The following HMGA2 variants were observed in gnomAD, a reference collection of about 807,000 sequenced individuals.
HMGA2 encodes the protein high mobility group protein HMGI-C.
HMGA2 carries 8 observed loss-of-function variants against 19.1 expected under a neutral mutation model. The ratio of observed to expected loss-of-function variants is 0.42; its 90% CI spans 0.25 to 0.76. HMGA2 has a LOEUF of 0.76. Among genes scored for constraint, HMGA2 ranks in the 30% least tolerant of loss-of-function variants. The probability of loss-of-function intolerance (pLI) is 0.28; values close to 1 mark genes in which losing one functional copy is unlikely to be tolerated. For synonymous variants in HMGA2, 60 were observed against 48.8 expected, an observed-to-expected ratio of 1.23 and a Z score of -0.96; for missense variants, 109 against 136.3, an observed-to-expected ratio of 0.80 and a Z score of 1.00.
At chr12:65,848,653 G>A (rs1030302365) in intron 3 of HMGA2, among the ~76,000 whole-genome samples, 1 of 151,934 alleles carries the variant, frequency 6.6e-6, no homozygotes, top group African/African-American at 2.4e-5. Flanking sequence ...TCAGGAGATC[G>A]AGACCATCCT....
intron 3 of HMGA2, among the ~76,000 whole-genome samples, chr12:65,950,234 G>T (rs557448754): frequency 6.6e-6 from 1 of 152,122 alleles, no homozygotes; most frequent in Non-Finnish European, 1.5e-5. Flanking sequence ...AAACATGTTC[G>T]CACGAAAACG....
In HMGA2 at chr12:65,904,831, CAGG is replaced by C. The variant is rs574052546; in HGVS notation, c.250-46549_250-46547del. 4.2e-3 allele frequency among the ~76,000 whole-genome samples: 634 copies of C among 152,104 alleles called. 4 individuals carry two copies. Among genetic ancestry groups the C allele is most frequent in the African/African-American group, 0.014 (598 of 41,510 alleles). On this transcript the variant is annotated intron_variant, in intron 3 of 4. Coordinates refer to ENST00000403681, the MANE Select transcript of HMGA2 (RefSeq NM_003483.6). The stretch of plus-strand genomic sequence containing the variant: ...CCGAGGTGGGCAGATCACCTGAGGT[CAGG>C]AGTTCAAAAGCAGCCTGGCCAACAT...
chr12:65,965,506 T>C lies in HMGA2; in HGVS notation c.*2214T>C. ...TCTTCCAGCTGCTTCAGGGAGGTAG[T>C]TTCAAAGGCCACATACCTCTCTGAG... is the stretch of plus-strand genomic sequence containing the variant. On this transcript the variant is annotated 3_prime_UTR_variant, in exon 5 of 5. Transcript: ENST00000403681. The C allele has an allele frequency of 4.8e-6, 1 of 208,314 alleles. No homozygotes were observed. 12.9% of individuals were successfully genotyped at this position (208,314 alleles called of 1,614,324 possible). A position where few individuals can be genotyped will look rare whatever the true frequency, so the allele number is the denominator to read the frequency against.
intron 3 of HMGA2, among the ~76,000 whole-genome samples, chr12:65,944,164 T>G (rs1876181911): frequency 6.6e-6 from 1 of 152,206 alleles, no homozygotes; most frequent in Non-Finnish European, 1.5e-5. Flanking sequence ...CATTAAAACT[T>G]TTTGATCACT....
Position 65,964,209 on chromosome 12 carries a change from T to C in HMGA2, c.*917T>C. On this transcript the variant is annotated 3_prime_UTR_variant, in exon 5 of 5. Transcript: ENST00000403681. Reference sequence around the variant, plus strand: ...TGAAAAGGTACAACAGAATAATGCATGATGAACTCACCTAATTATGAGGTG... The same window carrying C: ...TGAAAAGGTACAACAGAATAATGCACGATGAACTCACCTAATTATGAGGTG... 4.9e-6 allele frequency: 1 copy of C among 205,258 alleles called. No individual in the cohort carries two copies. Among genetic ancestry groups the C allele is most frequent in the Non-Finnish European group, 1.0e-5 (1 of 100,456 alleles). 12.7% of individuals were successfully genotyped at this position (205,258 alleles called of 1,614,324 possible). A position where few individuals can be genotyped will look rare whatever the true frequency, so the allele number is the denominator to read the frequency against.
intron 3 of HMGA2, among the ~76,000 whole-genome samples, chr12:65,896,334 C>G (rs1344048862): frequency 3.3e-5 from 5 of 152,204 alleles, no homozygotes; most frequent in Non-Finnish European, 7.3e-5. Context: ...TACAAAGGCC[C>G]TTTGGCGAAT....
Position 65,937,898 on chromosome 12 carries a change from G to A in HMGA2, c.250-13485G>A, listed in dbSNP as rs1487746330. 3.3e-5 allele frequency among the ~76,000 whole-genome samples: 5 copies of A among 152,308 alleles called. No homozygotes were observed. In the East Asian group the frequency reaches 9.6e-4, roughly 29 times the overall value. ...CAAAGACAAACCAGCACAGAGAATAGTAAAATGTGCAAAGCCAAACCAGTT... is the reference window on the plus strand; with the variant it reads ...CAAAGACAAACCAGCACAGAGAATAATAAAATGTGCAAAGCCAAACCAGTT... On this transcript the variant is annotated intron_variant, in intron 3 of 4. Transcript: ENST00000403681.
intron 3 of HMGA2, among the ~76,000 whole-genome samples, chr12:65,933,520 T>C (rs534775769): frequency 1.3e-5 from 2 of 152,184 alleles, no homozygotes; most frequent in Non-Finnish European, 2.9e-5. Context: ...GAAATCCACT[T>C]TGTAATAACA....
chr12:65,853,198 G>A (rs934595917), intron 3 of HMGA2, among the ~76,000 whole-genome samples: 14 of 152,134 alleles, frequency 9.2e-5, no homozygotes, highest in Non-Finnish European at 1.5e-4. Flanking sequence ...GACTGTCTAA[G>A]AGCACTGAAA....
At chr12:65,904,908 G>C (rs139523350) in intron 3 of HMGA2, among the ~76,000 whole-genome samples, 1 of 152,032 alleles carries the variant, frequency 6.6e-6, no homozygotes, top group African/African-American at 2.4e-5. Context: ...TGGGCATGGT[G>C]GTGGGTGCCT....
rs565429188 is a variant in HMGA2 at position 65,829,926 on chromosome 12, A to G, written c.198+1839A>G. Among the ~76,000 whole-genome samples the G allele has an allele frequency of 5.3e-5, 8 of 151,458 alleles. No individual in the cohort carries two copies. In the South Asian group the frequency reaches 6.3e-4, roughly 12 times the overall value. Reference sequence around the variant, plus strand: ...CTCTAGTGACAGGCATTTGTAAATGACCCCCCTACGCCGCTCATCTTTCTG... The same window carrying G: ...CTCTAGTGACAGGCATTTGTAAATGGCCCCCCTACGCCGCTCATCTTTCTG... On this transcript the variant is annotated intron_variant, in intron 2 of 4. Transcript: ENST00000403681.
chr12:65,856,095 G>A (rs1871727681), intron 3 of HMGA2: 2 of 152,144 alleles, frequency 1.3e-5, no homozygotes, highest in African/African-American at 4.8e-5. Flanking sequence ...ATCAGCATAT[G>A]CTGCTGTTGC....
chr12:65,875,564 C>T (rs980384464), intron 3 of HMGA2, among the ~76,000 whole-genome samples: 17 of 132,016 alleles, frequency 1.3e-4, no homozygotes, highest in Middle Eastern at 4.8e-3. Flanking sequence ...GTTGGGATTG[C>T]GGGCATATGC....
intron 2 of HMGA2, among the ~76,000 whole-genome samples, chr12:65,837,778 T>G (rs1303371987): frequency 6.6e-6 from 1 of 152,210 alleles, no homozygotes; most frequent in Non-Finnish European, 1.5e-5. Context: ...GATAGAAATG[T>G]ATTCATGTTA....
chr12:65,880,390 A>G (rs565556442), intron 3 of HMGA2, among the ~76,000 whole-genome samples: 1 of 152,236 alleles, frequency 6.6e-6, no homozygotes, highest in Admixed American at 6.5e-5. Flanking sequence ...TTGTGCCATG[A>G]AACACGTGTT....
intron 2 of HMGA2, among the ~76,000 whole-genome samples, chr12:65,836,985 G>C (rs1870759867): frequency 6.6e-6 from 1 of 152,116 alleles, no homozygotes; most frequent in Non-Finnish European, 1.5e-5. Flanking sequence ...GACAAAACTG[G>C]GTTCAAATCC....
intron 3 of HMGA2, among the ~76,000 whole-genome samples, chr12:65,866,381 C>T (rs112996144): frequency 1.8e-4 from 28 of 152,116 alleles, no homozygotes; most frequent in African/African-American, 5.8e-4. Context: ...TTGGAGTAGG[C>T]GAGGCTGCTT....
chr12:65,925,589 A>G (rs1231534773), intron 3 of HMGA2, among the ~76,000 whole-genome samples: 1 of 152,198 alleles, frequency 6.6e-6, no homozygotes, highest in Non-Finnish European at 1.5e-5. Context: ...CACTTCAAAC[A>G]TAGTAGGCAT....
At chr12:65,907,092 T>G (rs963297005) in intron 3 of HMGA2, among the ~76,000 whole-genome samples, 1 of 152,086 alleles carries the variant, frequency 6.6e-6, no homozygotes, top group African/African-American at 2.4e-5. Flanking sequence ...GCATGTGAAC[T>G]GTTAACTTCA....
Sources: allele counts gnomAD v4.1 joint callset (sites outside exome capture counted in the v4.1 genomes callset), GRCh38; gene constraint gnomAD v4.1.1; transcripts MANE v1.5; gene names NCBI Gene and HGNC (gene_info 2026-07-23, HGNC 2026-07-21).